Variants in ATIC observed in about 807,000 individuals in gnomAD.
The protein encoded by ATIC is bifunctional purine biosynthesis protein ATIC.
ATIC carries 64 observed loss-of-function variants against 72.5 expected under a neutral mutation model. The observed-to-expected ratio is 0.88, with a 90% CI of 0.72 to 1.09. ATIC has a LOEUF of 1.09. Among genes scored for constraint, ATIC ranks in the 50% least tolerant of loss-of-function variants. The pLI is 0.00. For synonymous variants in ATIC, 281 were observed against 267.1 expected, an observed-to-expected ratio of 1.05 and a Z score of -0.51; for missense variants, 787 against 732.4, an observed-to-expected ratio of 1.07 and a Z score of -0.86.
the ATIC span, chr2:215,360,492 A>G: frequency 4.6e-5 from 7 of 152,236 alleles, no homozygotes; most frequent in Non-Finnish European, 8.8e-5. Context: ...CTTGCAGGCA[A>G]TCTCTTTGAA....
intron 6 of ATIC, among the ~76,000 whole-genome samples, chr2:215,326,578 C>G (rs929742669): frequency 1.3e-5 from 2 of 150,276 alleles, no homozygotes; most frequent in Non-Finnish European, 2.9e-5. Flanking sequence ...CCACTGCACT[C>G]TAGCCTGGGC....
rs377621860 is a variant in ATIC, at chr2:215,323,091, C to T, written c.291-2150C>T. Among the ~76,000 whole-genome samples the T allele has an allele frequency of 1.4e-4, 21 of 152,244 alleles. No individual in the cohort carries two copies. In the East Asian group the frequency reaches 3.7e-3, roughly 27 times the overall value. ...TCCCGAGTAGCTGGGACTATAGGCGCCCGCTACCATGCGCAGCTAATTTTT... is the reference window on the plus strand; with the variant it reads ...TCCCGAGTAGCTGGGACTATAGGCGTCCGCTACCATGCGCAGCTAATTTTT... On this transcript the variant is annotated intron_variant, in intron 4 of 15. Transcript: ENST00000236959.
At chr2:215,343,542 G>T (rs893677433) in intron 12 of ATIC, among the ~76,000 whole-genome samples, 6 of 152,180 alleles carry the variant, frequency 3.9e-5, no homozygotes, top group African/African-American at 1.2e-4. Context: ...CACCATGTTG[G>T]TCAGGCTGGC....
chr2:215,368,117 CTT>C, the ATIC span: 2 of 1,336,448 alleles, frequency 1.5e-6, no homozygotes, highest in Non-Finnish European at 2.1e-6. Flanking sequence ...TATACAATGA[CTT>C]AATCTAAAAC....
the ATIC span, among the ~76,000 whole-genome samples, chr2:215,365,251 T>C: frequency 6.6e-6 from 1 of 152,204 alleles, no homozygotes; most frequent in Non-Finnish European, 1.5e-5. Context: ...TAAAGCTTCT[T>C]TGTAGCATTT....
At chr2:215,347,739 T>A (rs2053087182) in intron 14 of ATIC, 1 of 468,330 alleles carries the variant, frequency 2.1e-6, no homozygotes, top group Non-Finnish European at 4.3e-6. Flanking sequence ...ATATTACCAG[T>A]CAACCCCTGC....
At chr2:215,328,363 C>G (rs922092937) in intron 7 of ATIC, among the ~76,000 whole-genome samples, 1 of 152,138 alleles carries the variant, frequency 6.6e-6, no homozygotes, top group African/African-American at 2.4e-5. Context: ...CTTGGCTTTT[C>G]TTAAGCACTT....
intron 2 of ATIC, 141 bp from the exon 3 acceptor site, chr2:215,318,016 A>G (rs1386030801): frequency 2.1e-5 from 15 of 725,410 alleles, no homozygotes; most frequent in Middle Eastern, 2.8e-4. Flanking sequence ...AATAAAATAT[A>G]GTGAAATACT....
At chr2:215,331,633 C>T (rs1051161445) in intron 7 of ATIC, among the ~76,000 whole-genome samples, 8 of 152,196 alleles carry the variant, frequency 5.3e-5, no homozygotes, top group African/African-American at 1.2e-4. Context: ...CCACCCACCT[C>T]GGCCTCCCAA....
intron 2 of ATIC, among the ~76,000 whole-genome samples, chr2:215,316,379 C>G (rs921947670): frequency 3.9e-5 from 6 of 152,156 alleles, no homozygotes; most frequent in Non-Finnish European, 8.8e-5. Flanking sequence ...GCAAATGGCT[C>G]CCCTTAACAG....
At chr2:215,347,634 C>T (rs2106044737) in intron 14 of ATIC, 1 of 490,490 alleles carries the variant, frequency 2.0e-6, no homozygotes, top group Non-Finnish European at 4.1e-6. Context: ...CAGGAATCAA[C>T]ATAAGTGTCA....
chr2:215,360,561 GAA>G, the ATIC span: 1 of 152,224 alleles, frequency 6.6e-6, no homozygotes, highest in Non-Finnish European at 1.5e-5. Context: ...ACAATGGTTA[GAA>G]AAGAGCAACT....
At chr2:215,349,346 G>T in intron 15 of ATIC, 97 bp downstream of exon 15, 1 of 1,586,596 alleles carries the variant, frequency 6.3e-7, no homozygotes, top group South Asian at 1.1e-5. Flanking sequence ...GTGGCAAAGT[G>T]ATACAGATCA....
At chr2:215,364,858 G>A in the ATIC span, 5 of 1,495,972 alleles carry the variant, frequency 3.3e-6, no homozygotes, top group East Asian at 7.3e-5. Flanking sequence ...CTTGTAGGGA[G>A]CCTGGCACAT....
chr2:215,345,786 G>T (rs2053064322), intron 13 of ATIC, among the ~76,000 whole-genome samples: 1 of 152,206 alleles, frequency 6.6e-6, no homozygotes, highest in African/African-American at 2.4e-5. Flanking sequence ...TCCTGATGTT[G>T]AGGAGGAGGC....
chr2:215,354,235 G>A (rs979055710), downstream of ATIC, among the ~76,000 whole-genome samples: 1 of 151,292 alleles, frequency 6.6e-6, no homozygotes. Context: ...TCACCATGTT[G>A]TCCAGGCTGG....
At chr2:215,347,140 C>T (rs1268781380) in intron 14 of ATIC, 199 bp downstream of exon 14, 2 of 733,516 alleles carry the variant, frequency 2.7e-6, no homozygotes, top group African/African-American at 1.8e-5. Flanking sequence ...TTGTTTTTGA[C>T]CCCTTTCTGA....
intron 7 of ATIC, among the ~76,000 whole-genome samples, chr2:215,329,418 C>T (rs1259837295): frequency 2.0e-5 from 3 of 152,094 alleles, no homozygotes; most frequent in Admixed American, 6.6e-5. Context: ...CGTAAATAAG[C>T]GTTTCTTGTG....
intron 4 of ATIC, among the ~76,000 whole-genome samples, chr2:215,321,690 A>G (rs1174452107): frequency 6.6e-6 from 1 of 152,182 alleles, no homozygotes; most frequent in African/African-American, 2.4e-5. Context: ...CTGAAGTGGC[A>G]TCTCATTGTG....
Sources: allele counts gnomAD v4.1 joint callset (sites outside exome capture counted in the v4.1 genomes callset), GRCh38; gene constraint gnomAD v4.1.1; transcripts MANE v1.5; gene names NCBI Gene and HGNC (gene_info 2026-07-23, HGNC 2026-07-21).